Variants in CD46 observed in about 807,000 individuals in gnomAD.
The protein encoded by CD46 is CD46 molecule, also known as membrane cofactor protein.
Under a neutral mutation model 53.3 loss-of-function variants are expected in CD46, and 30 were observed. The ratio of observed to expected loss-of-function variants is 0.56; its 90% CI spans 0.42 to 0.76. CD46 has a LOEUF of 0.76. Ranked by LOEUF, CD46 falls within the 30% of genes least tolerant of loss-of-function variation. The pLI is 0.00. For missense variants in CD46, 409 were observed against 463.0 expected (o/e 0.88, Z 1.07); for synonymous variants, 142 against 152.0 (o/e 0.93, Z 0.48).
intron 8 of CD46, among the ~76,000 whole-genome samples, chr1:207,777,010 A>G (rs538098141): frequency 3.0e-4 from 45 of 151,972 alleles, no homozygotes; most frequent in Non-Finnish European, 4.9e-4. Context: ...TGCTTTGTCT[A>G]TTTTTCTGTT....
At position 207,759,683 on chromosome 1, in the gene CD46, GATCAGT is replaced by G; in HGVS notation, c.436_441del (p.Ser146_Val147del). 1 of 1,606,580 alleles carries G rather than the reference GATCAGT, an allele frequency of 6.2e-7. No homozygotes were observed. Among genetic ancestry groups the G allele is most frequent in the Non-Finnish European group, 8.5e-7 (1 of 1,173,456 alleles). On this transcript the variant is annotated inframe_deletion, in exon 4 of 13. Transcript: ENST00000367042. ...GAAATTCTATATTGTGAACTTAAAG[GATCAGT>G]AGCAATTTGGAGCGGTAAGCCCCCA...
chr1:207,782,606 G>T (rs190979807), intron 8 of CD46, among the ~76,000 whole-genome samples: 37 of 147,296 alleles, frequency 2.5e-4, no homozygotes, highest in Admixed American at 2.1e-3. Flanking sequence ...TCCATTTCAG[G>T]TCAACTCTAA....
chr1:207,782,885 C>T (rs1402880964), intron 8 of CD46, among the ~76,000 whole-genome samples: 1 of 151,030 alleles, frequency 6.6e-6, no homozygotes, highest in Admixed American at 6.6e-5. Flanking sequence ...GAACTCCTGA[C>T]CTCGTGATCC....
rs955987327 is a variant in CD46, at chr1:207,757,342, G to A, written c.286+140G>A. On this transcript the variant is annotated intron_variant, in intron 2 of 12. Transcript: ENST00000367042. ...ATAACAATGCATTTTTGCAAGCTTT[G>A]AGAAATCAAAATCTCCAAGAAATCA... 2.1e-5 allele frequency: 19 copies of A among 923,162 alleles called. No individual in the cohort carries two copies. In the African/African-American group the frequency reaches 3.0e-4, roughly 14 times the overall value. The allele number at this position is 923,162 out of a possible 1,614,324, so 57.2% of individuals were successfully genotyped here. A position where few individuals can be genotyped will look rare whatever the true frequency, so the allele number is the denominator to read the frequency against.
intron 5 of CD46, among the ~76,000 whole-genome samples, chr1:207,766,740 G>A (rs1392508143): frequency 6.6e-6 from 1 of 152,110 alleles, no homozygotes; most frequent in Non-Finnish European, 1.5e-5. Context: ...ATTTAGGAGG[G>A]CAGGGACAAG....
intron 5 of CD46, 140 bp downstream of exon 5, chr1:207,761,586 G>T (rs1372280225): frequency 4.3e-6 from 3 of 696,666 alleles, no homozygotes; most frequent in East Asian, 5.4e-5. Context: ...TTTAATTCAG[G>T]TCAATTCAAG....
chr1:207,789,075 G>A (rs1659551636), intron 11 of CD46, among the ~76,000 whole-genome samples: 1 of 152,060 alleles, frequency 6.6e-6, no homozygotes, highest in African/African-American at 2.4e-5. Flanking sequence ...CTTCAGTCCT[G>A]TATTGCATGG....
At chr1:207,757,391 G>A in intron 2 of CD46, 149 bp from the exon 3 acceptor site, 1 of 774,068 alleles carries the variant, frequency 1.3e-6, no homozygotes, top group Non-Finnish European at 2.2e-6. Flanking sequence ...AGATTGCCTG[G>A]GTGAATATGA....
intron 1 of CD46, among the ~76,000 whole-genome samples, chr1:207,754,856 CT>C (rs5780400): frequency 8.2e-5 from 12 of 146,536 alleles, no homozygotes; most frequent in Non-Finnish European, 1.0e-4. Context: ...AACAAAAGGA[CT>C]TTTTTTTTTT....
At chr1:207,763,953 C>G (rs1656546578) in intron 5 of CD46, among the ~76,000 whole-genome samples, 1 of 107,740 alleles carries the variant, frequency 9.3e-6, no homozygotes, top group Admixed American at 9.0e-5. Flanking sequence ...ACAGCTGCTA[C>G]ACTTTTTTTT....
intron 12 of CD46, among the ~76,000 whole-genome samples, chr1:207,790,924 G>GA (rs1378320083): frequency 6.6e-6 from 1 of 152,162 alleles, no homozygotes; most frequent in African/African-American, 2.4e-5. Context: ...AACTGAACTG[G>GA]AATTATTCCT....
At chr1:207,756,992 G>T (rs1447131183) in intron 1 of CD46, 22 bp from the exon 2 acceptor site, 1 of 1,600,874 alleles carries the variant, frequency 6.2e-7, no homozygotes, top group South Asian at 1.1e-5. Context: ...TCATCTTCAT[G>T]TTCCTATTCT....
At chr1:207,760,036 A>G (rs1452424125) in intron 4 of CD46, 1 of 249,514 alleles carries the variant, frequency 4.0e-6, no homozygotes, top group Non-Finnish European at 7.8e-6. Context: ...ATGTGCCACT[A>G]TGCCTGGCTT....
At chr1:207,778,898 T>G (rs574264102) in intron 8 of CD46, among the ~76,000 whole-genome samples, 135 of 152,338 alleles carry the variant, frequency 8.9e-4, no homozygotes, top group African/African-American at 2.9e-3. Context: ...TTAATGATAT[T>G]GATTCTTCCA....
chr1:207,767,326 G>C, intron 6 of CD46, 131 bp downstream of exon 6: 2 of 834,884 alleles, frequency 2.4e-6, no homozygotes, highest in Non-Finnish European at 4.0e-6. Context: ...ATTTAACTCT[G>C]TCTTGTATTC....
intron 10 of CD46, 45 bp from the exon 11 acceptor site, chr1:207,785,574 T>G (rs769501953): frequency 7.6e-7 from 1 of 1,311,230 alleles, no homozygotes; most frequent in Non-Finnish European, 1.1e-6. Flanking sequence ...ATCTTGGTGA[T>G]TAGTTTTCAG....
intron 11 of CD46, chr1:207,786,089 TA>T (rs1205979591): frequency 1.1e-5 from 2 of 183,572 alleles, no homozygotes; most frequent in Non-Finnish European, 2.3e-5. Context: ...GGAATTTTTA[TA>T]ATGAAAGTTT....
chr1:207,784,671 T>A (rs1344395989), intron 9 of CD46, among the ~76,000 whole-genome samples: 2 of 152,140 alleles, frequency 1.3e-5, no homozygotes, highest in African/African-American at 4.8e-5. Flanking sequence ...ACCGGGTAAT[T>A]TATAAAGGAA....
At chr1:207,770,046 G>A (rs777362212) in intron 7 of CD46, 6 of 403,128 alleles carry the variant, frequency 1.5e-5, no homozygotes, top group South Asian at 5.2e-5. Flanking sequence ...GATTACAGGC[G>A]TGAGCCACCA....
Sources: gnomAD v4.1 joint callset for allele counts (sites outside exome capture counted in the v4.1 genomes callset) on GRCh38, gnomAD v4.1.1 for gene constraint, MANE v1.5 for transcripts, NCBI Gene and HGNC (gene_info 2026-07-23, HGNC 2026-07-21) for gene names.